HECW2: variants seen among roughly 807,000 people sequenced by gnomAD.
The protein encoded by HECW2 is HECT, C2 and WW domain containing E3 ubiquitin protein ligase 2, also known as E3 ubiquitin-protein ligase HECW2.
Under a neutral mutation model 175.2 loss-of-function variants are expected in HECW2, and 61 were observed. The ratio of observed to expected loss-of-function variants is 0.35; its 90% CI spans 0.28 to 0.43. The LOEUF (loss-of-function observed/expected upper bound fraction) is 0.43, where lower values mean the gene tolerates loss of function less well. Ranked by LOEUF, HECW2 falls within the 20% of genes least tolerant of loss-of-function variation. The pLI is 1.00. For missense variants in HECW2, 1,524 were observed against 2,000.5 expected (o/e 0.76, Z 4.54); for synonymous variants, 671 against 731.0 (o/e 0.92, Z 1.32).
chr2:196,218,845 A>G (rs1687569700), intron 26 of HECW2, among the ~76,000 whole-genome samples: 1 of 152,234 alleles, frequency 6.6e-6, no homozygotes, highest in South Asian at 2.1e-4. Flanking sequence ...TACATGGATT[A>G]TACTTGGGCC....
chr2:196,324,674 A>C (rs956753586), intron 6 of HECW2, among the ~76,000 whole-genome samples: 1 of 152,126 alleles, frequency 6.6e-6, no homozygotes, highest in African/African-American at 2.4e-5. Context: ...TTAAATGTTC[A>C]TATTTTATTC....
intron 1 of HECW2, among the ~76,000 whole-genome samples, chr2:196,503,033 T>C (rs1044914207): frequency 6.6e-6 from 1 of 152,176 alleles, no homozygotes; most frequent in African/African-American, 2.4e-5. Flanking sequence ...ACAAGTACCC[T>C]TATCCTTCCA....
intron 19 of HECW2, chr2:196,242,963 G>T (rs568927596): frequency 5.9e-5 from 9 of 152,126 alleles, no homozygotes; most frequent in African/African-American, 1.9e-4. Context: ...AAATTGCTGG[G>T]ATTACAGGTG....
chr2:196,446,593 G>T (rs1259322925), intron 1 of HECW2, among the ~76,000 whole-genome samples: 1 of 152,114 alleles, frequency 6.6e-6, no homozygotes, highest in Non-Finnish European at 1.5e-5. Flanking sequence ...AAACTATTTG[G>T]CACCACAGTA....
intron 2 of HECW2, among the ~76,000 whole-genome samples, chr2:196,384,994 G>A (rs1694307729): frequency 6.6e-6 from 1 of 151,972 alleles, no homozygotes; most frequent in Non-Finnish European, 1.5e-5. Flanking sequence ...ACAGCTCACT[G>A]CAGCCTCCAA....
In HECW2 at chr2:196,581,890, C is replaced by G. The variant is rs1163199890; in HGVS notation, c.-36+11618G>C. ...GACCATCCTGGCTAACACGGTGAAACCCTATCTCTACTAAAAATACAAAAA... is the reference window on the plus strand; with the variant it reads ...GACCATCCTGGCTAACACGGTGAAAGCCTATCTCTACTAAAAATACAAAAA... On this transcript the variant is annotated intron_variant, in intron 1 of 28. Transcript: ENST00000644978. 3.3e-5 allele frequency among the ~76,000 whole-genome samples: 5 copies of G among 151,892 alleles called. No homozygotes were observed. The East Asian group carries it at 9.7e-4, about 30-fold the overall frequency.
At chr2:196,523,103 C>T (rs545385924) in intron 1 of HECW2, among the ~76,000 whole-genome samples, 75 of 152,020 alleles carry the variant, frequency 4.9e-4, no homozygotes, top group African/African-American at 1.7e-3. Context: ...ATTCTTCCTA[C>T]CCATGAGCAT....
At chr2:196,502,679 T>C (rs1047471182) in intron 1 of HECW2, among the ~76,000 whole-genome samples, 1 of 152,172 alleles carries the variant, frequency 6.6e-6, no homozygotes, top group African/African-American at 2.4e-5. Flanking sequence ...CCTTCCACAA[T>C]TACGTGTCAG....
intron 1 of HECW2, among the ~76,000 whole-genome samples, chr2:196,554,231 C>T (rs946839845): frequency 1.3e-5 from 2 of 151,796 alleles, no homozygotes; most frequent in African/African-American, 4.8e-5. Flanking sequence ...GAGGCTGAGG[C>T]AGGAGAATGG....
At chr2:196,425,499 G>A (rs1434432905) in intron 2 of HECW2, among the ~76,000 whole-genome samples, 1 of 152,132 alleles carries the variant, frequency 6.6e-6, no homozygotes, top group Non-Finnish European at 1.5e-5. Flanking sequence ...AATTCATGGG[G>A]TAGACTAAAA....
chr2:196,228,380 G>A (rs10931732), intron 21 of HECW2, 126 bp from the exon 22 acceptor site: 209,466 of 801,464 alleles, frequency 0.26, 29,619 homozygotes, highest in East Asian at 0.42. Context: ...TGCCAGAGCT[G>A]TCCAAAACAA....
At chr2:196,585,739 T>C (rs942458949) in intron 1 of HECW2, among the ~76,000 whole-genome samples, 2 of 152,108 alleles carry the variant, frequency 1.3e-5, no homozygotes, top group Non-Finnish European at 2.9e-5. Flanking sequence ...TGGGGGCCTA[T>C]ACGGAGGGTA....
chr2:196,306,093 T>C (rs566633279), intron 13 of HECW2, among the ~76,000 whole-genome samples: 2 of 152,126 alleles, frequency 1.3e-5, no homozygotes, highest in East Asian at 1.9e-4. Context: ...AATACCCTTA[T>C]AAAAGAAGCC....
chr2:196,295,242 A>T (rs772994616), intron 13 of HECW2, among the ~76,000 whole-genome samples: 13 of 152,204 alleles, frequency 8.5e-5, no homozygotes, highest in Non-Finnish European at 1.5e-4. Context: ...AGAGGATAGG[A>T]AAGTGATACC....
chr2:196,369,661 A>G (rs1270157975), intron 2 of HECW2, among the ~76,000 whole-genome samples: 1 of 152,184 alleles, frequency 6.6e-6, no homozygotes, highest in Admixed American at 6.5e-5. Context: ...TCAAGGAACC[A>G]GGGCCTAGAG....
chr2:196,301,077 TCC>T (rs1691032969), intron 13 of HECW2, among the ~76,000 whole-genome samples: 1 of 152,168 alleles, frequency 6.6e-6, no homozygotes, highest in South Asian at 2.1e-4. Flanking sequence ...CCCGCCAGTG[TCC>T]ATGGGTTCTC....
intron 1 of HECW2, among the ~76,000 whole-genome samples, chr2:196,566,792 G>T (rs1315549744): frequency 6.8e-6 from 1 of 146,972 alleles, no homozygotes; most frequent in Non-Finnish European, 1.5e-5. Context: ...GCCTCAAAGT[G>T]ATCTGCCTTC....
intron 13 of HECW2, among the ~76,000 whole-genome samples, chr2:196,300,811 C>G (rs79173181): frequency 0.011 from 1,681 of 152,092 alleles, 38 homozygotes; most frequent in African/African-American, 0.038. Context: ...TCCAGAAAGC[C>G]AGTGGTTAAA....
At chr2:196,499,678 G>A (rs753311867) in intron 1 of HECW2, among the ~76,000 whole-genome samples, 2 of 152,056 alleles carry the variant, frequency 1.3e-5, no homozygotes, top group Non-Finnish European at 2.9e-5. Context: ...ATTAAATTCT[G>A]GGACTTAATT....
Sources: gnomAD v4.1 joint callset for allele counts (sites outside exome capture counted in the v4.1 genomes callset) on GRCh38, gnomAD v4.1.1 for gene constraint, MANE v1.5 for transcripts, NCBI Gene and HGNC (gene_info 2026-07-23, HGNC 2026-07-21) for gene names.